The following RAB5A variants were observed in gnomAD, a reference collection of about 807,000 sequenced individuals.
The protein encoded by RAB5A is ras-related protein Rab-5A.
A neutral mutation model predicts 25.7 loss-of-function variants in RAB5A; 8 were observed. That is an observed-to-expected ratio of 0.31 (90% CI 0.18 to 0.56). RAB5A has a LOEUF of 0.56. Among genes scored for constraint, RAB5A ranks in the 20% least tolerant of loss-of-function variants. The pLI is 0.91. For missense variants in RAB5A, 192 were observed against 259.7 expected, an observed-to-expected ratio of 0.74 and a Z score of 1.79; for synonymous variants, 98 against 89.8, an observed-to-expected ratio of 1.09 and a Z score of -0.52.
intron 2 of RAB5A, 192 bp downstream of exon 2, chr3:19,951,253 T>A: frequency 1.8e-6 from 1 of 568,876 alleles, no homozygotes; most frequent in Non-Finnish European, 2.9e-6. Flanking sequence ...TTTGATTGTT[T>A]GGTTAATCCC....
At chr3:19,973,472 G>A (rs924623852) in intron 2 of RAB5A, among the ~76,000 whole-genome samples, 4 of 150,782 alleles carry the variant, frequency 2.7e-5, no homozygotes, top group Admixed American at 2.0e-4. Context: ...TTTGGTAAGA[G>A]TACTGTCTTA....
intron 2 of RAB5A, among the ~76,000 whole-genome samples, chr3:19,961,764 T>C (rs183804845): frequency 1.1e-3 from 170 of 152,364 alleles, no homozygotes; most frequent in Non-Finnish European, 2.0e-3. Context: ...GATGTTACTT[T>C]GTTATATATC....
At position 19,947,266 on chromosome 3, in the gene RAB5A, C is replaced by CCGGCGGCGGCGGCGG. The variant is rs67898127; in HGVS notation, c.-342_-328dup. 2.8e-3 allele frequency: 519 copies of CCGGCGGCGGCGGCGG among 183,036 alleles called. 40 individuals carry two copies. Among genetic ancestry groups the CCGGCGGCGGCGGCGG allele is most frequent in the South Asian group, 0.01 (106 of 10,350 alleles). The allele number at this position is 183,036 out of a possible 1,614,324, so 11.3% of individuals were successfully genotyped here. A position where few individuals can be genotyped will look rare whatever the true frequency, so the allele number is the denominator to read the frequency against. On this transcript the variant is annotated 5_prime_UTR_variant, in exon 1 of 6. Coordinates refer to ENST00000273047, the MANE Select transcript of RAB5A (RefSeq NM_004162.5). ...GGAAGAATTAGTCGGAACTCCAGCG[C>CCGGCGGCGGCGGCGG]CGGCGGCGGCGGCGGCGGCGGAGGA...
intron 2 of RAB5A, among the ~76,000 whole-genome samples, chr3:19,953,486 C>T (rs1420994169): frequency 6.7e-6 from 1 of 150,066 alleles, no homozygotes; most frequent in African/African-American, 2.5e-5. Flanking sequence ...TGGCTCACTG[C>T]AACCTCCGCT....
At chr3:19,958,379 G>A (rs1045189518) in intron 2 of RAB5A, among the ~76,000 whole-genome samples, 1 of 152,186 alleles carries the variant, frequency 6.6e-6, no homozygotes, top group Non-Finnish European at 1.5e-5. Flanking sequence ...TCTTTCGGTA[G>A]TCTTAATTAT....
chr3:19,960,574 T>TA (rs753549196), intron 2 of RAB5A, among the ~76,000 whole-genome samples: 2 of 152,234 alleles, frequency 1.3e-5, no homozygotes, highest in Non-Finnish European at 1.5e-5. Context: ...GTGCTGGGAA[T>TA]ACAGGCGTAA....
At chr3:19,968,384 T>G (rs2125187613) in intron 2 of RAB5A, among the ~76,000 whole-genome samples, 1 of 152,322 alleles carries the variant, frequency 6.6e-6, no homozygotes, top group African/African-American at 2.4e-5. Context: ...TTCAAATTTT[T>G]GAAAACCAGA....
Position 19,965,119 on chromosome 3 carries a change from A to G in RAB5A, c.164-10482A>G, listed in dbSNP as rs952272749. On this transcript the variant is annotated intron_variant, in intron 2 of 5. Coordinates refer to ENST00000273047, the MANE Select transcript of RAB5A (RefSeq NM_004162.5). ...GTATTTTTAGTAGAGATGGGGTTTC[A>G]CCATGTTGGCCAGGCTGGTCTCGCA... is the stretch of plus-strand genomic sequence containing the variant. Among the ~76,000 whole-genome samples the G allele has an allele frequency of 3.3e-5, 5 of 151,948 alleles. 1 individual carries two copies. Among genetic ancestry groups the G allele is most frequent in the African/African-American group, 1.2e-4 (5 of 41,370 alleles).
intron 4 of RAB5A, among the ~76,000 whole-genome samples, chr3:19,977,910 A>T (rs1189628000): frequency 3.9e-5 from 6 of 152,232 alleles, no homozygotes; most frequent in Admixed American, 3.3e-4. Context: ...TTAGTGTTTG[A>T]AGCCAGTGTT....
At position 19,983,828 on chromosome 3, in the gene RAB5A, C is replaced by G; in HGVS notation, c.*5C>G. 6.5e-7 allele frequency: 1 copy of G among 1,536,012 alleles called. No homozygotes were observed. The highest frequency in any genetic ancestry group is 9.0e-7 in the Non-Finnish European group (1 of 1,112,012). ...AATCAGTGTTGTAGTAACTAAACCT[C>G]TAGTTTGAACTAGCTGGAATAGTCT... is the stretch of plus-strand genomic sequence containing the variant. On this transcript the variant is annotated 3_prime_UTR_variant, in exon 6 of 6. Transcript: ENST00000273047.
At position 19,954,772 on chromosome 3, in the gene RAB5A, T is replaced by C. The variant is rs371613218; in HGVS notation, c.163+3711T>C. 7.9e-5 allele frequency among the ~76,000 whole-genome samples: 12 copies of C among 152,240 alleles called. No individual in the cohort carries two copies. The East Asian group carries it at 1.9e-3, about 25-fold the overall frequency. On this transcript the variant is annotated intron_variant, in intron 2 of 5. Transcript: ENST00000273047. ...GGCGGAGGTTACAGTGAGCCGAGAC[T>C]GCACCACCACACTCCAGCCTGGGTG... is the stretch of plus-strand genomic sequence containing the variant.
chr3:19,975,752 G>C lies in RAB5A; in HGVS notation c.315G>C (p.Glu105Asp). Residue 105 changes from glutamate (E) to aspartate (D), a missense_variant and splice_region_variant, in exon 3 of 6, where the codon GAG (glutamate) becomes GAC (aspartate). Around this residue, in one of 3 missense-constraint regions of RAB5A, gnomAD observed 121 missense variants for 135.7 expected, o/e 0.89. Coordinates refer to ENST00000273047, the MANE Select transcript of RAB5A (RefSeq NM_004162.5). ...TAGTTGTATATGATATCACAAATGA[G>C]GTAAGTATGGATGCATTCCACAGTA... is the stretch of plus-strand genomic sequence containing the variant. Reference protein sequence around the residue: ...AAIVVYDITNEESFARAKNWV... With the variant: ...AAIVVYDITNDESFARAKNWV... 6.2e-7 allele frequency: 1 copy of C among 1,608,774 alleles called. No homozygotes were observed. Among genetic ancestry groups the C allele is most frequent in the African/African-American group, 1.3e-5 (1 of 74,830 alleles).
intron 4 of RAB5A, among the ~76,000 whole-genome samples, chr3:19,976,949 TA>T (rs1215045987): frequency 2.0e-5 from 3 of 152,030 alleles, no homozygotes; most frequent in Non-Finnish European, 2.9e-5. Context: ...AACTAATAAT[TA>T]AAAAAAATTT....
intron 2 of RAB5A, 80 bp downstream of exon 2, chr3:19,951,141 T>C: frequency 6.7e-7 from 1 of 1,489,898 alleles, no homozygotes; most frequent in South Asian, 1.2e-5. Context: ...AATTGTGTGA[T>C]TATGAATAGC....
At position 19,979,280 on chromosome 3, in the gene RAB5A, T is replaced by C. The variant is rs1575077873; in HGVS notation, c.532+877T>C. On this transcript the variant is annotated intron_variant, in intron 5 of 5. Coordinates refer to ENST00000273047, the MANE Select transcript of RAB5A (RefSeq NM_004162.5). ...GTGAGCCACTACACCCAGCCTAAGG[T>C]ACTTTCTTTTTTTTTTTTTTTGAAA... 2.2e-5 allele frequency among the ~76,000 whole-genome samples: 3 copies of C among 135,986 alleles called. No individual in the cohort carries two copies. In the South Asian group the frequency reaches 6.9e-4, roughly 31 times the overall value. 89.2% of individuals were successfully genotyped at this position (135,986 alleles called of 152,430 possible).
intron 2 of RAB5A, among the ~76,000 whole-genome samples, chr3:19,956,976 C>G (rs111537629): frequency 1.4e-5 from 2 of 142,722 alleles, no homozygotes; most frequent in Admixed American, 7.2e-5. Flanking sequence ...ACAGCCTGCT[C>G]TGTTGCCCAG....
intron 2 of RAB5A, among the ~76,000 whole-genome samples, chr3:19,973,321 A>G (rs1421332559): frequency 6.6e-6 from 1 of 151,810 alleles, no homozygotes; most frequent in South Asian, 2.1e-4. Flanking sequence ...TTTTAGTACT[A>G]GTAGACTTTG....
chr3:19,951,709 T>C (rs976524335), intron 2 of RAB5A, among the ~76,000 whole-genome samples: 1 of 132,638 alleles, frequency 7.5e-6, no homozygotes. Flanking sequence ...AAGTTTTTTT[T>C]TTTTTTTTTT....
At chr3:19,983,644 G>C in intron 5 of RAB5A, 64 bp from the exon 6 acceptor site, 1 of 1,052,722 alleles carries the variant, frequency 9.5e-7, no homozygotes, top group Non-Finnish European at 1.4e-6. Flanking sequence ...TTATAGATAA[G>C]CAGGTGAAAC....
Sources: gnomAD v4.1 joint callset for allele counts (sites outside exome capture counted in the v4.1 genomes callset) on GRCh38, gnomAD v4.1.1 for gene constraint, gnomAD v4.1.1 regional missense constraint, MANE v1.5 for transcripts, NCBI Gene and HGNC (gene_info 2026-07-23, HGNC 2026-07-21) for gene names.